The following PICALM variants were observed in gnomAD, a reference collection of about 807,000 sequenced individuals.
The protein encoded by PICALM is phosphatidylinositol binding clathrin assembly protein.
Under a neutral mutation model 80.5 loss-of-function variants are expected in PICALM, and 40 were observed. The observed-to-expected ratio is 0.50, with a 90% CI of 0.39 to 0.65. The LOEUF is 0.65. Among genes scored for constraint, PICALM ranks in the 30% least tolerant of loss-of-function variants. The probability of loss-of-function intolerance (pLI) is 0.00; values close to 1 mark genes in which losing one functional copy is unlikely to be tolerated. For synonymous variants in PICALM, 288 were observed against 260.3 expected (o/e 1.11, Z -1.02); for missense variants, 676 against 778.9 (o/e 0.87, Z 1.57).
At chr11:85,986,617 C>T (rs998942692) in intron 13 of PICALM, among the ~76,000 whole-genome samples, 1 of 151,188 alleles carries the variant, frequency 6.6e-6, no homozygotes, top group African/African-American at 2.4e-5. Context: ...GTCTCGATCT[C>T]CTGACCTCAT....
At chr11:86,025,533 G>T (rs1252948265) in intron 3 of PICALM, among the ~76,000 whole-genome samples, 1 of 6,470 alleles carries the variant, frequency 1.5e-4, no homozygotes, top group Non-Finnish European at 2.9e-4. Context: ...TAATAACAAT[G>T]AAAGCAAATA....
At chr11:85,976,114 C>T (rs1314669279) in intron 18 of PICALM, among the ~76,000 whole-genome samples, 1 of 146,426 alleles carries the variant, frequency 6.8e-6, no homozygotes, top group Non-Finnish European at 1.5e-5. Flanking sequence ...AATTGAGTCT[C>T]TATATACTGA....
chr11:85,958,958 G>T lies in PICALM; in HGVS notation c.*88C>A. 1 of 914,768 alleles carries T rather than the reference G, an allele frequency of 1.1e-6. No homozygotes were observed. Among genetic ancestry groups the T allele is most frequent in the Non-Finnish European group, 1.7e-6 (1 of 574,024 alleles). The allele number at this position is 914,768 out of a possible 1,614,324, so 56.7% of individuals were successfully genotyped here. On this transcript the variant is annotated 3_prime_UTR_variant, in exon 20 of 20. Coordinates refer to ENST00000393346, the MANE Select transcript of PICALM (RefSeq NM_007166.4). ...GAAGAAGAGAGTTTAAGAGATTTAA[G>T]AGACAGCAGTTTGGATTTTGCTGGA...
In PICALM at chr11:86,068,859, C is replaced by T. The variant is rs2096484970; in HGVS notation, c.-79G>A. The T allele has an allele frequency of 1.4e-6, 2 of 1,471,386 alleles. No individual in the cohort carries two copies. The allele number at this position is 1,471,386 out of a possible 1,614,324, so 91.1% of individuals were successfully genotyped here. ...CCCCAAGAGCCGGAGGGTCCCCACC[C>T]CCCACCGCACCCCCTACCCCCACCG... On this transcript the variant is annotated 5_prime_UTR_variant, in exon 1 of 20. Coordinates refer to ENST00000393346, the MANE Select transcript of PICALM (RefSeq NM_007166.4).
intron 9 of PICALM, among the ~76,000 whole-genome samples, 187 bp from the exon 10 acceptor site, chr11:86,001,345 A>G (rs2095137512): frequency 6.6e-6 from 1 of 152,236 alleles, no homozygotes; most frequent in Non-Finnish European, 1.5e-5. Context: ...AGCAATTAGA[A>G]AAATCTTGAC....
chr11:85,963,328 A>C (rs957979302), intron 19 of PICALM, among the ~76,000 whole-genome samples: 1 of 152,180 alleles, frequency 6.6e-6, no homozygotes, highest in African/African-American at 2.4e-5. Context: ...GTCAAGCCCT[A>C]CTATTACATC....
In PICALM at chr11:85,971,524, T is replaced by G. The variant is rs2135494909; in HGVS notation, c.1944+3184A>C. Among the ~76,000 whole-genome samples, 4 of 151,796 alleles carry G rather than the reference T, an allele frequency of 2.6e-5. 1 individual carries two copies. The highest frequency in any genetic ancestry group is 2.6e-4 in the Admixed American group (4 of 15,234). On this transcript the variant is annotated intron_variant, in intron 19 of 19. Coordinates refer to ENST00000393346, the MANE Select transcript of PICALM (RefSeq NM_007166.4). Reference sequence around the variant, plus strand: ...GCCGAGGCAGATGAACTGCTAGAGCTCAGGAGTTCAAGAACAGCCTGGGCA... The same window carrying G: ...GCCGAGGCAGATGAACTGCTAGAGCGCAGGAGTTCAAGAACAGCCTGGGCA...
chr11:86,026,249 G>T, intron 3 of PICALM, 43 bp downstream of exon 3: 1 of 1,013,228 alleles, frequency 9.9e-7, no homozygotes, highest in Non-Finnish European at 1.6e-6. Flanking sequence ...CATCATGTGG[G>T]TGTCATTCTT....
chr11:86,039,202 A>G (rs1248751543), intron 1 of PICALM, among the ~76,000 whole-genome samples: 1 of 152,164 alleles, frequency 6.6e-6, no homozygotes, highest in African/African-American at 2.4e-5. Context: ...AGCAACATGA[A>G]TGGACTAAGA....
chr11:86,034,732 C>T (rs1181821168), intron 1 of PICALM, among the ~76,000 whole-genome samples: 1 of 151,820 alleles, frequency 6.6e-6, no homozygotes, highest in Non-Finnish European at 1.5e-5. Flanking sequence ...CAAAGATTTC[C>T]AATATTTAAG....
chr11:85,970,133 C>A (rs185690245), intron 19 of PICALM, among the ~76,000 whole-genome samples: 2 of 152,100 alleles, frequency 1.3e-5, no homozygotes, highest in Non-Finnish European at 2.9e-5. Context: ...AGTAAACATG[C>A]CAGAGAAGCT....
chr11:86,053,025 CTT>C (rs1177410659), intron 1 of PICALM, among the ~76,000 whole-genome samples: 2 of 152,206 alleles, frequency 1.3e-5, no homozygotes, highest in African/African-American at 4.8e-5. Context: ...CAGTATCTCT[CTT>C]ATCTGATTTT....
intron 7 of PICALM, 136 bp downstream of exon 7, chr11:86,010,894 A>G (rs1305683799): frequency 3.4e-6 from 2 of 592,706 alleles, no homozygotes; most frequent in African/African-American, 3.9e-5. Flanking sequence ...CTTGCCACAG[A>G]ATTCAATACA....
At position 85,990,369 on chromosome 11, in the gene PICALM, T is replaced by C. The variant is rs199506085; in HGVS notation, c.1289A>G (p.Asp430Gly). ...AGGATTTAAGCTTGGAATGGCATCA[T>C]CAACAGCATCTACAGTAGCAGAGAA... ...DPFSATVDAVDDAIPSLNPFL... is the reference protein window; with the variant it reads ...DPFSATVDAVGDAIPSLNPFL... Residue 430 changes from aspartate (D) to glycine (G), a missense_variant, in exon 13 of 20, where the codon GAT becomes GGT. Transcript: ENST00000393346. The C allele has an allele frequency of 9.3e-6, 15 of 1,608,120 alleles. No individual in the cohort carries two copies. The highest frequency in any genetic ancestry group is 4.3e-6 in the Non-Finnish European group (5 of 1,175,426).
intron 3 of PICALM, among the ~76,000 whole-genome samples, chr11:86,024,865 A>C (rs779708587): frequency 4.6e-5 from 7 of 151,954 alleles, no homozygotes; most frequent in Non-Finnish European, 8.8e-5. Context: ...GCTTAAGCCA[A>C]CTCATCTTCT....
intron 1 of PICALM, among the ~76,000 whole-genome samples, chr11:86,057,867 T>G (rs2096293857): frequency 6.6e-6 from 1 of 152,206 alleles, no homozygotes; most frequent in African/African-American, 2.4e-5. Flanking sequence ...ATCAGGGATT[T>G]GAGCACCCTT....
chr11:86,067,362 C>G (rs1434951971), intron 1 of PICALM, among the ~76,000 whole-genome samples: 2 of 152,192 alleles, frequency 1.3e-5, no homozygotes, highest in Non-Finnish European at 2.9e-5. Flanking sequence ...ACTTACTTAT[C>G]GTGACTATTG....
intron 14 of PICALM, 164 bp from the exon 15 acceptor site, chr11:85,982,167 C>G (rs1280456069): frequency 3.3e-6 from 2 of 602,960 alleles, no homozygotes; most frequent in Non-Finnish European, 5.9e-6. Context: ...AAAGTCACCA[C>G]TTCATACTGA....
At chr11:86,029,117 G>T (rs1186940393) in intron 2 of PICALM, among the ~76,000 whole-genome samples, 2 of 152,066 alleles carry the variant, frequency 1.3e-5, no homozygotes, top group Non-Finnish European at 2.9e-5. Context: ...GGGATTACAG[G>T]TGTGAGCTAC....
Sources: gnomAD v4.1 joint callset for allele counts (sites outside exome capture counted in the v4.1 genomes callset) on GRCh38, gnomAD v4.1.1 for gene constraint, MANE v1.5 for transcripts, NCBI Gene and HGNC (gene_info 2026-07-23, HGNC 2026-07-21) for gene names.